The following UBAC2 variants were observed in gnomAD, a reference collection of about 807,000 sequenced individuals.
UBAC2 encodes the protein UBA domain containing 2.
UBAC2 carries 26 observed loss-of-function variants against 44.0 expected under a neutral mutation model. The observed-to-expected ratio is 0.59, with a 90% CI of 0.43 to 0.82. UBAC2 has a LOEUF of 0.82. Among genes scored for constraint, UBAC2 ranks in the 40% least tolerant of loss-of-function variants. The pLI, the probability that UBAC2 is intolerant of heterozygous loss-of-function variation, is 0.00. For missense variants in UBAC2, 329 were observed against 419.4 expected (o/e 0.78, Z 1.88); for synonymous variants, 155 against 154.3 (o/e 1.00, Z -0.04).
chr13:99,385,313 C>T lies in UBAC2; in HGVS notation c.1013C>T (p.Thr338Ile). 1 of 1,614,108 alleles carries T rather than the reference C, an allele frequency of 6.2e-7. No individual in the cohort carries two copies. Among genetic ancestry groups the T allele is most frequent in the Non-Finnish European group, 8.5e-7 (1 of 1,179,996 alleles). Residue 338 changes from threonine (T) to isoleucine (I), a missense_variant, in exon 9 of 9, where the codon ACC becomes ATC. Coordinates refer to ENST00000403766, the MANE Select transcript of UBAC2 (RefSeq NM_001144072.2). Reference protein sequence around the residue: ...RASNNDLNVATNFLLQH With the variant: ...RASNNDLNVAINFLLQH ...TCAAACAATGACCTCAATGTCGCCA[C>T]CAACTTCCTGCTGCAGCACTGATAG... is the stretch of plus-strand genomic sequence containing the variant.
chr13:99,239,706 G>C (rs998559617), intron 2 of UBAC2, among the ~76,000 whole-genome samples: 2 of 152,208 alleles, frequency 1.3e-5, no homozygotes, highest in Non-Finnish European at 2.9e-5. Flanking sequence ...CCACTCTTCT[G>C]TCCAGGAATG....
intron 4 of UBAC2, among the ~76,000 whole-genome samples, chr13:99,304,950 G>A (rs1355142731): frequency 6.6e-6 from 1 of 152,186 alleles, no homozygotes; most frequent in African/African-American, 2.4e-5. Flanking sequence ...AGAGAGACTA[G>A]GAGAACTGGG....
intron 6 of UBAC2, among the ~76,000 whole-genome samples, chr13:99,333,098 G>GA (rs934944856): frequency 4.0e-5 from 6 of 151,884 alleles, no homozygotes; most frequent in Non-Finnish European, 7.4e-5. Context: ...CCCGTCTCTG[G>GA]GGGGGGAAGA....
rs1268535976 is a variant in UBAC2, at chr13:99,367,857, G to T, written c.878G>T (p.Gly293Val). Residue 293 changes from glycine to valine, a missense_variant, in exon 8 of 9, where the codon GGT becomes GTT. Gly to Val is a moderately radical substitution (Grantham distance 109, BLOSUM62 -3). Transcript: ENST00000403766. ...RQRQNVNYQG[G>V]RQSEPAAPPL... is the part of the protein sequence containing the mutation. ...CGACAAAACGTAAACTATCAGGGCG[G>T]TCGGCAGTCTGAGCCAGCAGCGCCC... The T allele has an allele frequency of 6.2e-7, 1 of 1,613,914 alleles. No individual in the cohort carries two copies. Among genetic ancestry groups the T allele is most frequent in the Admixed American group, 1.7e-5 (1 of 60,010 alleles).
At chr13:99,214,911 C>A (rs2142665842) in intron 1 of UBAC2, among the ~76,000 whole-genome samples, 1 of 152,144 alleles carries the variant, frequency 6.6e-6, no homozygotes, top group South Asian at 2.1e-4. Flanking sequence ...TGATTTTAGA[C>A]AGGGTGTCAG....
chr13:99,249,550 C>A (rs968570075), intron 4 of UBAC2, among the ~76,000 whole-genome samples: 2 of 152,166 alleles, frequency 1.3e-5, no homozygotes, highest in African/African-American at 4.8e-5. Flanking sequence ...CTTTTGGCTA[C>A]GTACTCAGTA....
At chr13:99,251,021 G>A (rs2043452243) in intron 4 of UBAC2, among the ~76,000 whole-genome samples, 1 of 152,120 alleles carries the variant, frequency 6.6e-6, no homozygotes. Flanking sequence ...AGTGCTGGCT[G>A]GGATTATAGG....
Position 99,200,993 on chromosome 13 carries a change from C to T in UBAC2, c.31+54C>T, listed in dbSNP as rs544676429. 4.9e-4 allele frequency: 637 copies of T among 1,294,506 alleles called. 3 individuals carry two copies. The African/African-American group carries it at 8.5e-3, about 17-fold the overall frequency. The allele number at this position is 1,294,506 out of a possible 1,614,324, so 80.2% of individuals were successfully genotyped here. A position where few individuals can be genotyped will look rare whatever the true frequency, so the allele number is the denominator to read the frequency against. ...GCCCCCTACACGCCACCCTAGGCAC[C>T]TCTTTGAGGAGGCTGGGGCAGCGGG... is the stretch of plus-strand genomic sequence containing the variant. On this transcript the variant is annotated intron_variant, in intron 1 of 8. Transcript: ENST00000403766.
chr13:99,315,177 C>G (rs1219775675), intron 5 of UBAC2, among the ~76,000 whole-genome samples: 7 of 152,180 alleles, frequency 4.6e-5, no homozygotes, highest in African/African-American at 1.7e-4. Flanking sequence ...TATTCTCCAT[C>G]TCTCAACCCC....
chr13:99,360,429 A>G (rs1430163181), intron 7 of UBAC2, among the ~76,000 whole-genome samples: 2 of 152,246 alleles, frequency 1.3e-5, no homozygotes, highest in African/African-American at 4.8e-5. Context: ...TACAGGTGAG[A>G]AAACCAAGGG....
chr13:99,327,421 C>A (rs571774302), intron 6 of UBAC2, among the ~76,000 whole-genome samples: 171 of 152,138 alleles, frequency 1.1e-3, no homozygotes, highest in African/African-American at 3.8e-3. Flanking sequence ...AAAATTTTTT[C>A]ATCAGTTTTG....
intron 6 of UBAC2, among the ~76,000 whole-genome samples, chr13:99,331,924 G>A (rs1012306973): frequency 1.3e-5 from 2 of 151,944 alleles, no homozygotes; most frequent in Non-Finnish European, 2.9e-5. Context: ...AAATATTTGT[G>A]GAATGAATAA....
chr13:99,331,061 G>A (rs2044709880), intron 6 of UBAC2, among the ~76,000 whole-genome samples: 1 of 152,134 alleles, frequency 6.6e-6, no homozygotes, highest in African/African-American at 2.4e-5. Flanking sequence ...ATAAGGGAAG[G>A]TTCGTTTTAT....
At chr13:99,307,926 G>A (rs2138750316) in intron 4 of UBAC2, 1 of 152,376 alleles carries the variant, frequency 6.6e-6, no homozygotes, top group South Asian at 2.1e-4. Flanking sequence ...AGGATGTGGA[G>A]TGGACTGGAT....
chr13:99,311,625 C>A (rs979817675), intron 4 of UBAC2, among the ~76,000 whole-genome samples: 40 of 152,304 alleles, frequency 2.6e-4, no homozygotes, highest in African/African-American at 9.1e-4. Flanking sequence ...CTGCATTTGG[C>A]AAACCTAGAT....
At chr13:99,375,970 ATT>A (rs34164759) in intron 8 of UBAC2, among the ~76,000 whole-genome samples, 189 of 130,806 alleles carry the variant, frequency 1.4e-3, no homozygotes, top group Admixed American at 2.5e-3. Flanking sequence ...AGCCCAGCTA[ATT>A]TTTTTTTTTT....
chr13:99,317,659 T>C (rs1204490848), intron 5 of UBAC2, among the ~76,000 whole-genome samples: 1 of 152,220 alleles, frequency 6.6e-6, no homozygotes, highest in Non-Finnish European at 1.5e-5. Context: ...GGATGGTGAT[T>C]ACCTGTTTTG....
intron 6 of UBAC2, among the ~76,000 whole-genome samples, chr13:99,318,907 A>T (rs2044531637): frequency 6.6e-6 from 1 of 151,860 alleles, no homozygotes; most frequent in East Asian, 1.9e-4. Context: ...TTTTGATGAA[A>T]GTTTTAGCTG....
chr13:99,290,740 A>C (rs1316887100), intron 4 of UBAC2, among the ~76,000 whole-genome samples: 1 of 151,838 alleles, frequency 6.6e-6, no homozygotes, highest in East Asian at 1.9e-4. Flanking sequence ...AAAAAAAAAA[A>C]AAAAGAAAGA....
Sources: allele counts gnomAD v4.1 joint callset (sites outside exome capture counted in the v4.1 genomes callset), GRCh38; gene constraint gnomAD v4.1.1; transcripts MANE v1.5; gene names NCBI Gene and HGNC (gene_info 2026-07-23, HGNC 2026-07-21).